The following SLC6A18 variants were observed in gnomAD, a reference collection of about 807,000 sequenced individuals.
SLC6A18 encodes the protein inactive sodium-dependent neutral amino acid transporter B(0)AT3.
In SLC6A18, 58 loss-of-function variants were observed where a neutral mutation model predicts 62.9. The ratio of observed to expected loss-of-function variants is 0.92; its 90% CI spans 0.75 to 1.15. The LOEUF (loss-of-function observed/expected upper bound fraction) is 1.15. Among genes scored for constraint, SLC6A18 ranks in the 50% most tolerant of loss-of-function variants. SLC6A18 has a pLI of 0.00. For synonymous variants in SLC6A18, 382 were observed against 365.8 expected, an observed-to-expected ratio of 1.04 and a Z score of -0.51; for missense variants, 793 against 836.6, an observed-to-expected ratio of 0.95 and a Z score of 0.64.
intron 4 of SLC6A18, among the ~76,000 whole-genome samples, chr5:1,237,524 G>A (rs1047358861): frequency 1.3e-5 from 2 of 152,110 alleles, no homozygotes; most frequent in African/African-American, 2.4e-5. Flanking sequence ...GAGGGAGGCC[G>A]GAGAGGGGAC....
At chr5:1,239,360 A>G in intron 5 of SLC6A18, 90 bp from the exon 6 acceptor site, 1 of 973,102 alleles carries the variant, frequency 1.0e-6, no homozygotes, top group Non-Finnish European at 1.6e-6. Flanking sequence ...AGTGTCCCCA[A>G]AGCCACCTTG....
chr5:1,239,683 C>T (rs1256872019), intron 6 of SLC6A18, 121 bp downstream of exon 6: 15 of 747,414 alleles, frequency 2.0e-5, no homozygotes, highest in Non-Finnish European at 1.4e-5. Flanking sequence ...AGATAAGAAC[C>T]TCACGCCACA....
chr5:1,229,438 T>G (rs928377892), intron 1 of SLC6A18, among the ~76,000 whole-genome samples: 8 of 152,156 alleles, frequency 5.3e-5, no homozygotes, highest in Non-Finnish European at 1.2e-4. Context: ...GTCAGGGTGG[T>G]CTCTGACAAA....
rs773537009 is a variant in SLC6A18 at position 1,246,015 on chromosome 5, C to A, written c.1824C>A (p.Asp608Glu). 1 of 1,595,930 alleles carries A rather than the reference C, an allele frequency of 6.3e-7. No homozygotes were observed. The highest frequency in any genetic ancestry group is 1.1e-5 in the South Asian group (1 of 90,064). The change falls in exon 12 of 12, where the codon GAC becomes GAA. Residue 608 changes from aspartate (D) to glutamate (E), a missense_variant. By Grantham distance (45) the Asp-to-Glu change is conservative. Transcript: ENST00000324642. ...WRDRDARPDT[D>E]MRPDTDTRPD... ...ACAGGGACGCGCGCCCAGACACGGA[C>A]ATGCGCCCGGACACGGACACGCGCC...
chr5:1,242,067 G>C (rs1435882402), intron 7 of SLC6A18, among the ~76,000 whole-genome samples: 1 of 138,366 alleles, frequency 7.2e-6, no homozygotes, highest in Non-Finnish European at 1.5e-5. Context: ...TTTGGCAGTG[G>C]AGACAGAAGG....
chr5:1,233,905 C>T (rs1345798737), intron 3 of SLC6A18, among the ~76,000 whole-genome samples: 5 of 152,072 alleles, frequency 3.3e-5, no homozygotes, highest in Admixed American at 2.6e-4. Flanking sequence ...CCAGGCCTGG[C>T]TAATTTTTTG....
chr5:1,236,976 G>A lies in SLC6A18; in HGVS notation c.622-974G>A, dbSNP rs1406527115. Among the ~76,000 whole-genome samples the A allele has an allele frequency of 2.0e-5, 3 of 151,934 alleles. No individual in the cohort carries two copies. In the East Asian group the frequency reaches 5.8e-4, roughly 29 times the overall value. On this transcript the variant is annotated intron_variant, in intron 4 of 11. Coordinates refer to ENST00000324642, the MANE Select transcript of SLC6A18 (RefSeq NM_182632.3). ...AAGCTGGGCACAGTGGCTCATGCCTGTAATCCCAGCACTTTGGGAGGCTAA... is the reference window on the plus strand; with the variant it reads ...AAGCTGGGCACAGTGGCTCATGCCTATAATCCCAGCACTTTGGGAGGCTAA...
In SLC6A18 at chr5:1,235,473, G is replaced by A; in HGVS notation, c.440-8G>A. The A allele has an allele frequency of 1.2e-6, 2 of 1,612,224 alleles. No individual in the cohort carries two copies. Among genetic ancestry groups the A allele is most frequent in the Non-Finnish European group, 1.7e-6 (2 of 1,178,618 alleles). Reference sequence around the variant, plus strand: ...ACAGCCAGCCTGTGACAGGCCCCCTGGTTTCAGGGTTTGTGGAGGAGTGCC... The same window carrying A: ...ACAGCCAGCCTGTGACAGGCCCCCTAGTTTCAGGGTTTGTGGAGGAGTGCC... On this transcript the variant is annotated splice_region_variant and splice_polypyrimidine_tract_variant and intron_variant, in intron 3 of 11. Transcript: ENST00000324642.
At chr5:1,240,935 GAGAC>G (rs1456237197) in intron 7 of SLC6A18, among the ~76,000 whole-genome samples, 1 of 152,180 alleles carries the variant, frequency 6.6e-6, no homozygotes, top group Non-Finnish European at 1.5e-5. Context: ...ATAAGAAGAG[GAGAC>G]AGACACAGAG....
chr5:1,235,750 C>A, intron 4 of SLC6A18, 88 bp downstream of exon 4: 1 of 1,366,574 alleles, frequency 7.3e-7, no homozygotes, highest in Non-Finnish European at 1.0e-6. Context: ...TTTGTGTCTA[C>A]AAGCTCTTGC....
chr5:1,236,821 G>C (rs1468176002), intron 4 of SLC6A18, among the ~76,000 whole-genome samples: 1 of 152,148 alleles, frequency 6.6e-6, no homozygotes, highest in Non-Finnish European at 1.5e-5. Flanking sequence ...AGTGTGCTGA[G>C]GTTGTCATTC....
chr5:1,233,897 A>T (rs1477513400), intron 3 of SLC6A18, among the ~76,000 whole-genome samples: 1 of 151,970 alleles, frequency 6.6e-6, no homozygotes, highest in Non-Finnish European at 1.5e-5. Flanking sequence ...GCCTGCCACC[A>T]GGCCTGGCTA....
rs1453065818 is a variant in SLC6A18, at chr5:1,235,150, C to T, written c.440-331C>T. 7.9e-5 allele frequency among the ~76,000 whole-genome samples: 12 copies of T among 152,222 alleles called. 1 individual carries two copies. On this transcript the variant is annotated intron_variant, in intron 3 of 11. Coordinates refer to ENST00000324642, the MANE Select transcript of SLC6A18 (RefSeq NM_182632.3). The stretch of plus-strand genomic sequence containing the variant: ...CTCCGTCCAGTGCTCCTGTGCCATC[C>T]TTGGGGGTCTGGGATGGTGGGTGGC...
In SLC6A18 at chr5:1,241,080, A is replaced by T. The variant is rs921450873; in HGVS notation, c.974+421A>T. On this transcript the variant is annotated intron_variant, in intron 7 of 11. Coordinates refer to ENST00000324642, the MANE Select transcript of SLC6A18 (RefSeq NM_182632.3). This position sits in a 1 kb window ranked among gnomAD's most constrained non-coding sequence, Gnocchi z 7.8. The stretch of plus-strand genomic sequence containing the variant: ...GGCTCAGGAGGGGCGCGGCCTGGCC[A>T]CACTGGGATTTCAGATGTCACAGTA... 6.6e-6 allele frequency among the ~76,000 whole-genome samples: 1 copy of T among 152,158 alleles called. No homozygotes were observed. The highest frequency in any genetic ancestry group is 1.9e-4 in the East Asian group (1 of 5,192).
chr5:1,232,440 T>G, intron 2 of SLC6A18, 81 bp downstream of exon 2: 79 of 1,191,676 alleles, frequency 6.6e-5, no homozygotes, highest in Non-Finnish European at 8.8e-5. Context: ...CGGGGGCGGG[T>G]CCATGCCTGT....
At chr5:1,242,935 C>T in intron 8 of SLC6A18, 72 bp downstream of exon 8, 1 of 1,470,708 alleles carries the variant, frequency 6.8e-7, no homozygotes, top group East Asian at 2.3e-5. Flanking sequence ...TGGCTGTGTC[C>T]CACTGCCAAA....
chr5:1,240,483 C>A, intron 6 of SLC6A18, 48 bp from the exon 7 acceptor site: 1 of 1,608,574 alleles, frequency 6.2e-7, no homozygotes, highest in South Asian at 1.1e-5. Flanking sequence ...CTGGATGAGG[C>A]CCAGTTACCT....
intron 1 of SLC6A18, among the ~76,000 whole-genome samples, chr5:1,230,201 G>T (rs1306790560): frequency 4.1e-5 from 6 of 146,480 alleles, no homozygotes; most frequent in African/African-American, 1.0e-4. Context: ...GGCTGGAGGT[G>T]GGGGAAGAGG....
chr5:1,233,557 G>A (rs536390348), intron 3 of SLC6A18, among the ~76,000 whole-genome samples: 19 of 151,214 alleles, frequency 1.3e-4, no homozygotes, highest in Admixed American at 6.6e-5. Flanking sequence ...GGAGATCCTC[G>A]AGACATGAAT....
Sources: allele counts gnomAD v4.1 joint callset (sites outside exome capture counted in the v4.1 genomes callset), GRCh38; gene constraint gnomAD v4.1.1; non-coding constraint Gnocchi (gnomAD v3.1); transcripts MANE v1.5; gene names NCBI Gene and HGNC (gene_info 2026-07-23, HGNC 2026-07-21).